Variants in FANCC observed in about 807,000 individuals in gnomAD.
FANCC encodes Fanconi anemia group C protein.
Under a neutral mutation model 71.3 loss-of-function variants are expected in FANCC, and 55 were observed. That is an observed-to-expected ratio of 0.77 (90% CI 0.62 to 0.97). FANCC has a LOEUF of 0.97. Among genes scored for constraint, FANCC ranks in the 50% least tolerant of loss-of-function variants. FANCC has a pLI of 0.00. For missense variants in FANCC, 678 were observed against 670.9 expected (o/e 1.01, Z -0.12); for synonymous variants, 275 against 244.9 (o/e 1.12, Z -1.15).
chr9:95,302,838 G>A (rs1243207266), intron 1 of FANCC, among the ~76,000 whole-genome samples: 1 of 152,210 alleles, frequency 6.6e-6, no homozygotes, highest in East Asian at 1.9e-4. Flanking sequence ...GCAGAAGCAT[G>A]GCCAAATGAA....
rs141293356 is a variant in FANCC at position 95,308,323 on chromosome 9, C to T, written c.-79+9203G>A. 7.1e-3 allele frequency among the ~76,000 whole-genome samples: 1,072 copies of T among 151,998 alleles called. 6 individuals are homozygous for T. Among genetic ancestry groups the T allele is most frequent in the Non-Finnish European group, 0.012 (800 of 67,982 alleles). ...GCAGTGGTGCAATCACAGATCACCG[C>T]TTTTTGTTTGTTTGTTTGTGCAATG... is the stretch of plus-strand genomic sequence containing the variant. On this transcript the variant is annotated intron_variant, in intron 1 of 14. Coordinates refer to ENST00000289081, the MANE Select transcript of FANCC (RefSeq NM_000136.3).
At chr9:95,123,425 A>G (rs1825407442) in intron 10 of FANCC, 1 of 456,808 alleles carries the variant, frequency 2.2e-6, no homozygotes, top group Non-Finnish European at 4.4e-6. Context: ...AGATTGCTTG[A>G]GCCTCAGAGG....
rs769713842 is a variant in FANCC, at chr9:95,125,237, C to T, written c.897-52G>A. 4.1e-5 allele frequency: 59 copies of T among 1,437,522 alleles called. 1 individual carries two copies. The South Asian group carries it at 6.7e-4, about 16-fold the overall frequency. The allele number at this position is 1,437,522 out of a possible 1,614,324, so 89.0% of individuals were successfully genotyped here. A position where few individuals can be genotyped will look rare whatever the true frequency, so the allele number is the denominator to read the frequency against. On this transcript the variant is annotated intron_variant, in intron 9 of 14. Transcript: ENST00000289081. The stretch of plus-strand genomic sequence containing the variant: ...CACGTTTAACAAGTAATCCGGCAAA[C>T]ATGAAAACCTGCACTGTATAAGGGA...
At chr9:95,134,228 A>G (rs1414864850) in intron 8 of FANCC, among the ~76,000 whole-genome samples, 1 of 152,214 alleles carries the variant, frequency 6.6e-6, no homozygotes, top group East Asian at 1.9e-4. Flanking sequence ...AACTGATTCC[A>G]TTAGGATTCC....
intron 8 of FANCC, among the ~76,000 whole-genome samples, chr9:95,127,694 A>T (rs1319531204): frequency 6.6e-6 from 1 of 152,160 alleles, no homozygotes; most frequent in Non-Finnish European, 1.5e-5. Flanking sequence ...TTTGGGAAAC[A>T]CTGTTCACAG....
At chr9:95,310,196 C>G (rs1835305334) in intron 1 of FANCC, among the ~76,000 whole-genome samples, 1 of 152,024 alleles carries the variant, frequency 6.6e-6, no homozygotes, top group Non-Finnish European at 1.5e-5. Flanking sequence ...GACTCTGTCT[C>G]TACAAAAATA....
intron 3 of FANCC, among the ~76,000 whole-genome samples, chr9:95,245,046 C>A (rs896787032): frequency 6.6e-6 from 1 of 152,120 alleles, no homozygotes; most frequent in Non-Finnish European, 1.5e-5. Flanking sequence ...AACCTCCCCA[C>A]GTTTCTCACA....
At chr9:95,139,767 T>G (rs1483058617) in intron 7 of FANCC, among the ~76,000 whole-genome samples, 2 of 149,602 alleles carry the variant, frequency 1.3e-5, no homozygotes, top group East Asian at 3.9e-4. Flanking sequence ...GAGGAGGAGG[T>G]AATGAACATT....
intron 8 of FANCC, among the ~76,000 whole-genome samples, chr9:95,128,157 A>G (rs932298421): frequency 6.6e-6 from 1 of 152,220 alleles, no homozygotes; most frequent in African/African-American, 2.4e-5. Context: ...TGTAAATAAT[A>G]AAAGTTATTA....
Position 95,101,280 on chromosome 9 carries a change from G to A in FANCC, c.*427C>T. On this transcript the variant is annotated 3_prime_UTR_variant, in exon 15 of 15. Transcript: ENST00000289081. Reference sequence around the variant, plus strand: ...CCCAGATCCCTGACTCCTAAAAAGAGTCTAAAAAGAGCTAAGTTCTCTCTA... The same window carrying A: ...CCCAGATCCCTGACTCCTAAAAAGAATCTAAAAAGAGCTAAGTTCTCTCTA... 1 of 314,966 alleles carries A rather than the reference G, an allele frequency of 3.2e-6. No homozygotes were observed. Among genetic ancestry groups the A allele is most frequent in the Non-Finnish European group, 6.0e-6 (1 of 167,022 alleles). 19.5% of individuals were successfully genotyped at this position (314,966 alleles called of 1,614,324 possible). A position where few individuals can be genotyped will look rare whatever the true frequency, so the allele number is the denominator to read the frequency against.
chr9:95,224,349 A>C (rs1829475301), intron 4 of FANCC, among the ~76,000 whole-genome samples: 1 of 152,160 alleles, frequency 6.6e-6, no homozygotes, highest in Non-Finnish European at 1.5e-5. Flanking sequence ...ATGGTCTGCC[A>C]CTTCCTAGCT....
At chr9:95,256,026 G>A (rs909081607) in intron 1 of FANCC, among the ~76,000 whole-genome samples, 7 of 151,940 alleles carry the variant, frequency 4.6e-5, no homozygotes, top group African/African-American at 1.7e-4. Context: ...CAAGAAATTC[G>A]GGACTATGTG....
In FANCC at chr9:95,100,814, AG is replaced by A. The variant is rs1198131169; in HGVS notation, c.*892del. The A allele has an allele frequency of 8.8e-6, 2 of 226,632 alleles. No homozygotes were observed. The highest frequency in any genetic ancestry group is 1.8e-5 in the Non-Finnish European group (2 of 113,912). The allele number at this position is 226,632 out of a possible 1,614,324, so 14.0% of individuals were successfully genotyped here. ...CCCCGATAATTTTTGTATTTTTAGTAGAGATAGGGTATTGCCATGTTAGCCA... is the reference window on the plus strand; with the variant it reads ...CCCCGATAATTTTTGTATTTTTAGTAAGATAGGGTATTGCCATGTTAGCCA... On this transcript the variant is annotated 3_prime_UTR_variant, in exon 15 of 15. Coordinates refer to ENST00000289081, the MANE Select transcript of FANCC (RefSeq NM_000136.3).
At chr9:95,269,944 A>C (rs1832625717) in intron 1 of FANCC, among the ~76,000 whole-genome samples, 2 of 152,174 alleles carry the variant, frequency 1.3e-5, no homozygotes, top group South Asian at 4.2e-4. Flanking sequence ...CTTAGTATTT[A>C]TTGATCATCT....
chr9:95,291,973 T>A (rs62558272), intron 1 of FANCC, among the ~76,000 whole-genome samples: 16,138 of 109,560 alleles, frequency 0.15, 1,695 homozygotes, highest in Non-Finnish European at 0.22. Flanking sequence ...AAAAAATATA[T>A]ATATATATAT....
intron 9 of FANCC, among the ~76,000 whole-genome samples, chr9:95,125,986 G>C (rs891402090): frequency 6.6e-6 from 1 of 152,208 alleles, no homozygotes; most frequent in African/African-American, 2.4e-5. Context: ...TCATGGCTGT[G>C]AGCTCCTCGT....
At position 95,117,297 on chromosome 9, in the gene FANCC, A is replaced by G; in HGVS notation, c.1072+18T>C. 6.2e-7 allele frequency: 1 copy of G among 1,612,570 alleles called. No homozygotes were observed. The highest frequency in any genetic ancestry group is 8.5e-7 in the Non-Finnish European group (1 of 1,178,742). The stretch of plus-strand genomic sequence containing the variant: ...CCAGGAAATCATTCTGATGTGGGCA[A>G]AGTCAACCCTAACTCACCTTGAGGG... On this transcript the variant is annotated intron_variant, in intron 11 of 14. Transcript: ENST00000289081.
At chr9:95,268,263 A>G (rs1014901376) in intron 1 of FANCC, among the ~76,000 whole-genome samples, 6 of 152,226 alleles carry the variant, frequency 3.9e-5, no homozygotes, top group Non-Finnish European at 5.9e-5. Flanking sequence ...TTTGCCCACC[A>G]CACTTCTCCA....
intron 4 of FANCC, among the ~76,000 whole-genome samples, chr9:95,188,959 ATTTCC>A (rs933721307): frequency 2.0e-5 from 3 of 152,172 alleles, no homozygotes; most frequent in Admixed American, 2.0e-4. Context: ...CAAAAAAAGA[ATTTCC>A]TTTCATTTAC....
Sources: allele counts gnomAD v4.1 joint callset (sites outside exome capture counted in the v4.1 genomes callset), GRCh38; gene constraint gnomAD v4.1.1; transcripts MANE v1.5; gene names NCBI Gene and HGNC (gene_info 2026-07-23, HGNC 2026-07-21).